EVC: variants seen among roughly 807,000 people sequenced by gnomAD.
EVC encodes EvC ciliary complex subunit 1.
In EVC, 116 loss-of-function variants were observed where a neutral mutation model predicts 118.9. The observed-to-expected ratio is 0.98, with a 90% CI of 0.84 to 1.14. The LOEUF is 1.14. EVC is among the 50% of genes most tolerant of loss of function. The pLI is 0.00. For synonymous variants in EVC, 619 were observed against 534.7 expected (o/e 1.16, Z -2.18); for missense variants, 1,401 against 1,246.4 (o/e 1.12, Z -1.87).
the EVC span, among the ~76,000 whole-genome samples, chr4:5,827,733 G>GCACACACACACACA: frequency 0.018 from 2,434 of 138,308 alleles, 71 homozygotes; most frequent in African/African-American, 0.066. Flanking sequence ...ATGTGCGCGT[G>GCACACACACACACA]CACACACACA....
intron 12 of EVC, among the ~76,000 whole-genome samples, chr4:5,787,029 C>T (rs879742918): frequency 1.3e-5 from 2 of 152,204 alleles, no homozygotes; most frequent in African/African-American, 2.4e-5. Flanking sequence ...AAATCAAAAA[C>T]ACATCGACTA....
chr4:5,819,053 T>A (rs1269851969), downstream of EVC, among the ~76,000 whole-genome samples: 2 of 152,202 alleles, frequency 1.3e-5, no homozygotes, highest in African/African-American at 2.4e-5. Context: ...GGGGAAAGAA[T>A]AGTCTTTGCA....
intron 5 of EVC, among the ~76,000 whole-genome samples, chr4:5,735,573 A>C (rs537676775): frequency 1.3e-5 from 2 of 152,310 alleles, no homozygotes; most frequent in African/African-American, 4.8e-5. Context: ...TGGTCACAGC[A>C]GTGATTATTC....
the EVC span, chr4:5,828,523 T>C: frequency 1.2e-6 from 2 of 1,614,232 alleles, no homozygotes; most frequent in Non-Finnish European, 1.7e-6. Context: ...GTACAGGTGC[T>C]CCGGGAACGC....
At chr4:5,723,908 C>T (rs536347853) in intron 2 of EVC, among the ~76,000 whole-genome samples, 6 of 152,226 alleles carry the variant, frequency 3.9e-5, no homozygotes, top group African/African-American at 1.4e-4. Flanking sequence ...GACAAAACTC[C>T]AAGCAGAAAG....
intron 7 of EVC, 197 bp from the exon 8 acceptor site, chr4:5,747,951 C>A: frequency 1.6e-6 from 1 of 640,486 alleles, no homozygotes; most frequent in Non-Finnish European, 2.8e-6. Context: ...CTGACTGACA[C>A]TGGAACCAGA....
intron 13 of EVC, 50 bp downstream of exon 13, chr4:5,793,767 C>A: frequency 1.4e-6 from 2 of 1,401,080 alleles, no homozygotes; most frequent in Non-Finnish European, 9.9e-7. Flanking sequence ...GCATGATGCT[C>A]CCTCCAGCCT....
At chr4:5,790,092 A>G (rs1340712703) in intron 12 of EVC, among the ~76,000 whole-genome samples, 1 of 150,826 alleles carries the variant, frequency 6.6e-6, no homozygotes, top group Non-Finnish European at 1.5e-5. Flanking sequence ...GAGGCAGGAG[A>G]ATCCCTTGAA....
In EVC at chr4:5,742,238, G is replaced by T. The variant is rs1250896490; in HGVS notation, c.801+424G>T. On this transcript the variant is annotated intron_variant, in intron 6 of 20. Transcript: ENST00000264956. This position sits in a 1 kb window ranked among gnomAD's most constrained non-coding sequence, Gnocchi z 5.2. ...TCAGACTGGTTGAGGTTGGTATCCT[G>T]GCTTTATCTTTTACAAGCTCTCAGA... Among the ~76,000 whole-genome samples the T allele has an allele frequency of 6.6e-6, 1 of 152,142 alleles. No homozygotes were observed. The highest frequency in any genetic ancestry group is 1.5e-5 in the Non-Finnish European group (1 of 68,028).
In EVC at chr4:5,752,840, C is replaced by A. The variant is rs1314116531; in HGVS notation, c.1103C>A (p.Ala368Asp). ...CDSQELQALD[A>D]LERTMGRAHM... ...CCTGTGTGTTTCTTTTTGCAGGACG[C>A]CCTGGAGAGGACGATGGGGCGGGCG... The change falls in exon 9 of 21, where the codon GCC (alanine) becomes GAC (aspartate). Residue 368 changes from alanine (A) to aspartate (D), a missense_variant. By Grantham distance (126) the Ala-to-Asp change is moderately radical. Transcript: ENST00000264956. 6.2e-7 allele frequency: 1 copy of A among 1,614,024 alleles called. No homozygotes were observed.
chr4:5,825,968 TAAC>T, the EVC span: 13 of 423,048 alleles, frequency 3.1e-5, no homozygotes, highest in African/African-American at 6.3e-5. This position sits in a 1 kb window ranked among gnomAD's most constrained non-coding sequence, Gnocchi z 4.4. Flanking sequence ...GCACATGCAG[TAAC>T]AAAACAGGCC....
chr4:5,800,505 A>AG (rs899142241), intron 15 of EVC, among the ~76,000 whole-genome samples: 8 of 151,900 alleles, frequency 5.3e-5, no homozygotes, highest in Middle Eastern at 3.4e-3. Flanking sequence ...GAGGAGGAGG[A>AG]GAGAAGGGGT....
chr4:5,761,074 G>A (rs1487226384), intron 11 of EVC, among the ~76,000 whole-genome samples: 6 of 152,152 alleles, frequency 3.9e-5, no homozygotes, highest in Admixed American at 2.0e-4. Flanking sequence ...AGCTGGCTGC[G>A]CCCTCCTGGC....
At chr4:5,716,333 G>A (rs1723956624) in intron 1 of EVC, among the ~76,000 whole-genome samples, 1 of 152,250 alleles carries the variant, frequency 6.6e-6, no homozygotes, top group Admixed American at 6.5e-5. Flanking sequence ...CAGACATCTT[G>A]AAGTGGAGGC....
At chr4:5,823,266 T>A in the EVC span, among the ~76,000 whole-genome samples, 1 of 152,192 alleles carries the variant, frequency 6.6e-6, no homozygotes, top group African/African-American at 2.4e-5. Flanking sequence ...CCACTAAGAA[T>A]TTGGTTCACA....
intron 15 of EVC, 179 bp from the exon 16 acceptor site, chr4:5,801,771 A>G: frequency 1.5e-6 from 1 of 653,652 alleles, no homozygotes. Context: ...CTAAGAAGAT[A>G]GGATTCCCAT....
intron 14 of EVC, among the ~76,000 whole-genome samples, chr4:5,797,615 C>A (rs573047451): frequency 1.3e-5 from 2 of 152,288 alleles, no homozygotes; most frequent in East Asian, 3.9e-4. Context: ...CCTCACTTGA[C>A]CTTAATCACC....
chr4:5,818,080 T>C (rs1055330708), downstream of EVC, among the ~76,000 whole-genome samples: 6 of 152,134 alleles, frequency 3.9e-5, no homozygotes, highest in South Asian at 2.1e-4. Context: ...TGGGAGATAA[T>C]TGAATCATGG....
rs1241382232 is a variant in EVC at position 5,719,870 on chromosome 4, CTGTT to C, written c.300+501_300+504del. 1.3e-5 allele frequency among the ~76,000 whole-genome samples: 2 copies of C among 152,182 alleles called. No homozygotes were observed. Among genetic ancestry groups the C allele is most frequent in the Non-Finnish European group, 2.9e-5 (2 of 68,040 alleles). On this transcript the variant is annotated intron_variant, in intron 2 of 20. Transcript: ENST00000264956. This position sits in a 1 kb window ranked among gnomAD's most constrained non-coding sequence, Gnocchi z 4.7. ...TGTGCCACACTTTGTTGATTGCTCA[CTGTT>C]TGTGTGTATTTCATTGGCAGACCGG...
Sources: gnomAD v4.1 joint callset for allele counts (sites outside exome capture counted in the v4.1 genomes callset) on GRCh38, gnomAD v4.1.1 for gene constraint, Gnocchi (gnomAD v3.1) non-coding constraint, MANE v1.5 for transcripts, NCBI Gene and HGNC (gene_info 2026-07-23, HGNC 2026-07-21) for gene names.